Variants in ASXL3 observed in about 807,000 individuals in gnomAD.
The protein encoded by ASXL3 is putative Polycomb group protein ASXL3.
ASXL3 carries 34 observed loss-of-function variants against 170.6 expected under a neutral mutation model. The ratio of observed to expected loss-of-function variants is 0.20; its 90% CI spans 0.15 to 0.27. The LOEUF (loss-of-function observed/expected upper bound fraction) is 0.27, where lower values mean the gene tolerates loss of function less well. Among genes scored for constraint, ASXL3 ranks in the 10% least tolerant of loss-of-function variants. The pLI is 1.00. For missense variants in ASXL3, 2,592 were observed against 2,695.3 expected, an observed-to-expected ratio of 0.96 and a Z score of 0.85; for synonymous variants, 1,002 against 989.1, an observed-to-expected ratio of 1.01 and a Z score of -0.24.
chr18:33,714,068 T>C (rs2067125522), intron 8 of ASXL3, among the ~76,000 whole-genome samples: 1 of 152,194 alleles, frequency 6.6e-6, no homozygotes, highest in African/African-American at 2.4e-5. Flanking sequence ...ACAAGGCCTC[T>C]GTATCTTTCC....
chr18:33,749,526 C>T lies in ASXL3; in HGVS notation c.*2931C>T, dbSNP rs2067851525. 6.6e-6 allele frequency: 1 copy of T among 151,762 alleles called. No individual in the cohort carries two copies. Among genetic ancestry groups the T allele is most frequent in the African/African-American group, 2.4e-5 (1 of 41,272 alleles). The allele number at this position is 151,762 out of a possible 1,614,324, so 9.4% of individuals were successfully genotyped here. A position where few individuals can be genotyped will look rare whatever the true frequency, so the allele number is the denominator to read the frequency against. On this transcript the variant is annotated 3_prime_UTR_variant, in exon 12 of 12. Coordinates refer to ENST00000269197, the MANE Select transcript of ASXL3 (RefSeq NM_030632.3). ...GGAAGAAAACTGCTATTCCCTAATC[C>T]TCCTCCTATAAGATATGCATATGCC... is the stretch of plus-strand genomic sequence containing the variant.
chr18:33,737,512 C>A (rs564911066), intron 10 of ASXL3, among the ~76,000 whole-genome samples: 53 of 152,092 alleles, frequency 3.5e-4, no homozygotes, highest in Non-Finnish European at 7.4e-4. Flanking sequence ...TTTACAGTAC[C>A]CTTGATTGTA....
intron 1 of ASXL3, among the ~76,000 whole-genome samples, chr18:33,595,453 A>T (rs2065117375): frequency 6.6e-6 from 1 of 152,206 alleles, no homozygotes; most frequent in African/African-American, 2.4e-5. Context: ...ATCCTATGAA[A>T]GGAATCAACT....
intron 7 of ASXL3, among the ~76,000 whole-genome samples, chr18:33,682,411 T>G (rs566327982): frequency 6.6e-6 from 1 of 152,344 alleles, no homozygotes; most frequent in Non-Finnish European, 1.5e-5. Flanking sequence ...CTGTCCCTTA[T>G]GGTATGTTAT....
chr18:33,719,470 T>A (rs2145367982), intron 8 of ASXL3, among the ~76,000 whole-genome samples: 1 of 152,122 alleles, frequency 6.6e-6, no homozygotes, highest in South Asian at 2.1e-4. Context: ...GCATATAAAC[T>A]TTTTCAGTGG....
At chr18:33,683,067 A>T (rs2066539264) in intron 7 of ASXL3, among the ~76,000 whole-genome samples, 1 of 152,172 alleles carries the variant, frequency 6.6e-6, no homozygotes, top group Non-Finnish European at 1.5e-5. Flanking sequence ...TGTAGTTGTT[A>T]CTATTCAGGC....
In ASXL3 at chr18:33,661,628, A is replaced by G. The variant is rs1424741572; in HGVS notation, c.368A>G (p.Gln123Arg). 1 of 1,610,742 alleles carries G rather than the reference A, an allele frequency of 6.2e-7. No homozygotes were observed. Among genetic ancestry groups the G allele is most frequent in the African/African-American group, 1.3e-5 (1 of 74,836 alleles). The change falls in exon 5 of 12, where the codon CAG becomes CGG. Residue 123 changes from glutamine (Q) to arginine (R), a missense_variant. Coordinates refer to ENST00000269197, the MANE Select transcript of ASXL3 (RefSeq NM_030632.3). ...HGEENGVCSK[Q>R]VTDEASSTRD... ...TCTCTGTTTCTAGTTTGTTCGAAGC[A>G]GGTAACTGATGAAGCATCTTCCACT...
intron 8 of ASXL3, among the ~76,000 whole-genome samples, chr18:33,709,381 A>T (rs62092429): frequency 0.078 from 11,851 of 152,156 alleles, 506 homozygotes; most frequent in African/African-American, 0.08. Flanking sequence ...GGAAACTACC[A>T]AAATACCTAT....
At chr18:33,617,598 T>A (rs2065446667) in intron 2 of ASXL3, among the ~76,000 whole-genome samples, 1 of 152,208 alleles carries the variant, frequency 6.6e-6, no homozygotes, top group Non-Finnish European at 1.5e-5. Context: ...TGTATATTGA[T>A]GCCTCAAGGC....
intron 2 of ASXL3, among the ~76,000 whole-genome samples, chr18:33,621,344 G>T (rs1007962151): frequency 6.6e-6 from 1 of 152,146 alleles, no homozygotes; most frequent in Non-Finnish European, 1.5e-5. Context: ...AAGAAAGAAG[G>T]ATCAATGTTC....
chr18:33,604,270 T>A (rs1238872650), intron 1 of ASXL3, among the ~76,000 whole-genome samples: 4 of 152,042 alleles, frequency 2.6e-5, no homozygotes, highest in Non-Finnish European at 5.9e-5. Context: ...CTTTTATATG[T>A]ATTAGCAATA....
chr18:33,739,834 C>G lies in ASXL3; in HGVS notation c.2430C>G (p.Pro810=). ...AGAATCTGTCTAATACTCCCGAACC[C>G]ATCATAATGAGTTCTTCTTCCATTG... is the stretch of plus-strand genomic sequence containing the variant. ...QQKNLSNTPE[P]IIMSSSSIAP... is the part of the protein sequence containing the mutation. The change falls in exon 11 of 12, where the codon CCC becomes CCG. Residue 810 remains proline, a synonymous_variant. Transcript: ENST00000269197. The G allele has an allele frequency of 6.2e-7, 1 of 1,613,860 alleles. No homozygotes were observed. Among genetic ancestry groups the G allele is most frequent in the Non-Finnish European group, 8.5e-7 (1 of 1,179,840 alleles).
At chr18:33,582,605 A>C (rs1331090206) in intron 1 of ASXL3, among the ~76,000 whole-genome samples, 1 of 152,056 alleles carries the variant, frequency 6.6e-6, no homozygotes. Flanking sequence ...AATCTTAACT[A>C]TTTCAATAGC....
Position 33,740,752 on chromosome 18 carries a change from A to G in ASXL3, c.3039+309A>G, listed in dbSNP as rs10401087. 0.46 allele frequency among the ~76,000 whole-genome samples: 69,579 copies of G among 151,998 alleles called. 16,797 individuals carry two copies. The highest frequency in any genetic ancestry group is 0.85 in the East Asian group (4,359 of 5,144). ...ATTTCAAGGTGTAGTACAGAGACCTATGTAAACCTGGGAAAATGTGAAAGA... is the reference window on the plus strand; with the variant it reads ...ATTTCAAGGTGTAGTACAGAGACCTGTGTAAACCTGGGAAAATGTGAAAGA... On this transcript the variant is annotated intron_variant, in intron 11 of 11. Coordinates refer to ENST00000269197, the MANE Select transcript of ASXL3 (RefSeq NM_030632.3).
chr18:33,692,783 G>A (rs552717138), intron 8 of ASXL3, among the ~76,000 whole-genome samples: 1 of 152,264 alleles, frequency 6.6e-6, no homozygotes, highest in Non-Finnish European at 1.5e-5. Flanking sequence ...ACTTAGCAAG[G>A]TAATTTAACT....
chr18:33,705,363 T>C (rs779106534), intron 8 of ASXL3, among the ~76,000 whole-genome samples: 26 of 151,134 alleles, frequency 1.7e-4, no homozygotes, highest in Non-Finnish European at 3.4e-4. Flanking sequence ...ATGTGTTTTT[T>C]GTTTTTTTTT....
At chr18:33,719,860 G>C (rs143838694) in intron 8 of ASXL3, among the ~76,000 whole-genome samples, 1 of 152,186 alleles carries the variant, frequency 6.6e-6, no homozygotes, top group African/African-American at 2.4e-5. Context: ...GCCTCCGGAG[G>C]AGTGAGGAAT....
chr18:33,628,634 G>A (rs948386922), intron 2 of ASXL3, among the ~76,000 whole-genome samples: 1 of 152,188 alleles, frequency 6.6e-6, no homozygotes, highest in African/African-American at 2.4e-5. Flanking sequence ...ATCTGTGCAT[G>A]GAAGGCAATC....
At chr18:33,665,180 C>T (rs915060375) in intron 5 of ASXL3, among the ~76,000 whole-genome samples, 16 of 152,146 alleles carry the variant, frequency 1.1e-4, no homozygotes, top group African/African-American at 3.9e-4. Flanking sequence ...TGTGTTACAG[C>T]AAGTGACATG....
Sources: gnomAD v4.1 joint callset for allele counts (sites outside exome capture counted in the v4.1 genomes callset) on GRCh38, gnomAD v4.1.1 for gene constraint, MANE v1.5 for transcripts, NCBI Gene and HGNC (gene_info 2026-07-23, HGNC 2026-07-21) for gene names.